The following FHOD3 variants were observed in gnomAD, a reference collection of about 807,000 sequenced individuals.
FHOD3 encodes FH1/FH2 domain-containing protein 3.
A neutral mutation model predicts 173.0 loss-of-function variants in FHOD3; 90 were observed. The observed-to-expected ratio is 0.52, with a 90% CI of 0.44 to 0.62. The LOEUF (loss-of-function observed/expected upper bound fraction) is 0.62, where lower values mean the gene tolerates loss of function less well. FHOD3 is among the 20% of genes least tolerant of loss of function. The pLI is 0.00. For missense variants in FHOD3, 1,945 were observed against 2,034.7 expected (o/e 0.96, Z 0.85); for synonymous variants, 828 against 823.0 (o/e 1.01, Z -0.10).
chr18:36,720,831 G>C, intron 19 of FHOD3, among the ~76,000 whole-genome samples: 1 of 151,162 alleles, frequency 6.6e-6, no homozygotes, highest in Non-Finnish European at 1.5e-5. Context: ...CCACTTGGCT[G>C]GCTGCACCTC....
intron 1 of FHOD3, among the ~76,000 whole-genome samples, chr18:36,351,382 G>A (rs1161610562): frequency 6.6e-6 from 1 of 152,186 alleles, no homozygotes; most frequent in Non-Finnish European, 1.5e-5. Context: ...CAGTTCCATG[G>A]AGGATGCTTA....
At chr18:36,606,497 AT>A (rs1467286400) in intron 8 of FHOD3, among the ~76,000 whole-genome samples, 2 of 152,134 alleles carry the variant, frequency 1.3e-5, no homozygotes, top group Non-Finnish European at 1.5e-5. Flanking sequence ...TTTGGGGATT[AT>A]GTTTCTAACG....
intron 3 of FHOD3, among the ~76,000 whole-genome samples, chr18:36,495,888 A>G (rs1166649866): frequency 6.6e-6 from 1 of 152,234 alleles, no homozygotes; most frequent in Non-Finnish European, 1.5e-5. Flanking sequence ...ACACCTGCAT[A>G]ACCCAGACTG....
At chr18:36,733,518 A>G (rs2041477048) in intron 20 of FHOD3, among the ~76,000 whole-genome samples, 1 of 152,340 alleles carries the variant, frequency 6.6e-6, no homozygotes, top group East Asian at 1.9e-4. Flanking sequence ...AAAGTCCCTC[A>G]GGAGAAATTT....
intron 5 of FHOD3, among the ~76,000 whole-genome samples, chr18:36,519,004 G>T (rs2056135350): frequency 6.6e-6 from 1 of 152,184 alleles, no homozygotes; most frequent in African/African-American, 2.4e-5. Flanking sequence ...GGGAAGGGAG[G>T]CCAAATCACC....
intron 5 of FHOD3, among the ~76,000 whole-genome samples, chr18:36,529,317 G>A (rs1377906067): frequency 6.6e-6 from 1 of 152,180 alleles, no homozygotes; most frequent in African/African-American, 2.4e-5. Context: ...TGCTGCTCGT[G>A]TTATACAGCA....
At chr18:36,618,359 G>T (rs1187885229) in intron 9 of FHOD3, among the ~76,000 whole-genome samples, 2 of 131,116 alleles carry the variant, frequency 1.5e-5, no homozygotes, top group African/African-American at 5.8e-5. Context: ...TCTTGCCCAG[G>T]CTGGAGTGCA....
intron 20 of FHOD3, among the ~76,000 whole-genome samples, chr18:36,738,641 CT>C (rs1196913491): frequency 2.0e-5 from 3 of 152,108 alleles, no homozygotes; most frequent in Non-Finnish European, 4.4e-5. Context: ...CTTGAGGTTG[CT>C]TTTTTTGCAT....
chr18:36,683,825 A>G (rs1353730284), intron 15 of FHOD3, among the ~76,000 whole-genome samples: 2 of 152,242 alleles, frequency 1.3e-5, no homozygotes, highest in Non-Finnish European at 2.9e-5. Context: ...TCTGACCATA[A>G]GAGCTATGAC....
In FHOD3 at chr18:36,652,742, G is replaced by A; in HGVS notation, c.1459G>A (p.Ala487Thr). The change falls in exon 12 of 29, where the codon GCC (alanine) becomes ACC (threonine). Residue 487 changes from alanine to threonine, a missense_variant. This residue lies in a region of FHOD3 where 1,099 missense variants were observed against 1,051.2 expected (regional missense o/e 1.05). Coordinates refer to ENST00000590592, the MANE Select transcript of FHOD3 (RefSeq NM_001281740.3). ...CTCTGGGTCTGAGGCCACCCCATCT[G>A]CCCTCCTGTCACCCCCTGCCTCAGC... ...GSSGSEATPS[A>T]LLSPPASAAR... 6.5e-7 allele frequency: 1 copy of A among 1,535,808 alleles called. No individual in the cohort carries two copies. Among genetic ancestry groups the A allele is most frequent in the East Asian group, 2.4e-5 (1 of 40,890 alleles).
intron 3 of FHOD3, among the ~76,000 whole-genome samples, chr18:36,480,343 T>A (rs561445712): frequency 1.3e-5 from 2 of 152,270 alleles, no homozygotes; most frequent in East Asian, 3.9e-4. Flanking sequence ...TACAGAAATA[T>A]TTGCACACAT....
At chr18:36,431,438 A>G (rs1336973801) in intron 3 of FHOD3, among the ~76,000 whole-genome samples, 1 of 152,222 alleles carries the variant, frequency 6.6e-6, no homozygotes, top group Non-Finnish European at 1.5e-5. Context: ...GCCTGTTTCC[A>G]TCGGTCAAGT....
chr18:36,298,873 A>G (rs1179352593), intron 1 of FHOD3, among the ~76,000 whole-genome samples: 1 of 151,832 alleles, frequency 6.6e-6, no homozygotes, highest in Non-Finnish European at 1.5e-5. Flanking sequence ...TCATTTCGTT[A>G]CCTAGGAAAA....
intron 9 of FHOD3, among the ~76,000 whole-genome samples, chr18:36,619,661 G>T (rs2033539553): frequency 6.6e-6 from 1 of 152,194 alleles, no homozygotes. Context: ...CTATGTGCCA[G>T]GCACTATTCT....
chr18:36,427,360 C>T (rs2050306656), intron 3 of FHOD3, among the ~76,000 whole-genome samples: 1 of 151,324 alleles, frequency 6.6e-6, no homozygotes, highest in Non-Finnish European at 1.5e-5. Context: ...TTGGCATGTC[C>T]TCTCTTGTGG....
At chr18:36,405,469 T>G (rs759031065) in intron 3 of FHOD3, among the ~76,000 whole-genome samples, 1 of 152,244 alleles carries the variant, frequency 6.6e-6, no homozygotes, top group Non-Finnish European at 1.5e-5. Context: ...ATGAGCCAAA[T>G]TGATAGTCAT....
chr18:36,346,999 G>A (rs956263485), intron 1 of FHOD3, among the ~76,000 whole-genome samples: 2 of 152,202 alleles, frequency 1.3e-5, no homozygotes, highest in African/African-American at 4.8e-5. Context: ...CTCACTTCCT[G>A]AACTGCCACC....
intron 4 of FHOD3, among the ~76,000 whole-genome samples, chr18:36,509,669 G>T (rs938548103): frequency 2.0e-5 from 3 of 152,092 alleles, no homozygotes; most frequent in African/African-American, 7.2e-5. Context: ...AAATAGGGTT[G>T]GTATGTGTTG....
intron 13 of FHOD3, among the ~76,000 whole-genome samples, chr18:36,653,987 C>T (rs552366938): frequency 1.8e-4 from 28 of 152,282 alleles, no homozygotes; most frequent in African/African-American, 6.0e-4. Flanking sequence ...TAGTATGTTG[C>T]GAGGCGGTTT....
Sources: allele counts gnomAD v4.1 joint callset (sites outside exome capture counted in the v4.1 genomes callset), GRCh38; gene constraint gnomAD v4.1.1; regional missense constraint gnomAD v4.1.1; transcripts MANE v1.5; gene names NCBI Gene and HGNC (gene_info 2026-07-23, HGNC 2026-07-21).